The following ADAMTSL3 variants were observed in gnomAD, a reference collection of about 807,000 sequenced individuals.
ADAMTSL3 encodes the protein ADAMTS-like protein 3.
In ADAMTSL3, 128 loss-of-function variants were observed where a neutral mutation model predicts 201.7. That is an observed-to-expected ratio of 0.63 (90% CI 0.55 to 0.73). The LOEUF is 0.73. Ranked by LOEUF, ADAMTSL3 falls within the 30% of genes least tolerant of loss-of-function variation. The probability of loss-of-function intolerance (pLI) is 0.00; values close to 1 mark genes in which losing one functional copy is unlikely to be tolerated. For missense variants in ADAMTSL3, 1,990 were observed against 2,119.6 expected, an observed-to-expected ratio of 0.94 and a Z score of 1.20; for synonymous variants, 738 against 748.4, an observed-to-expected ratio of 0.99 and a Z score of 0.23.
intron 5 of ADAMTSL3, among the ~76,000 whole-genome samples, chr15:83,806,550 A>G (rs1185204775): frequency 1.3e-5 from 2 of 152,236 alleles, no homozygotes; most frequent in African/African-American, 4.8e-5. Flanking sequence ...GCAGATGCAC[A>G]GATATCAAAG....
intron 6 of ADAMTSL3, among the ~76,000 whole-genome samples, chr15:83,823,323 A>G (rs1203003687): frequency 6.6e-6 from 1 of 152,190 alleles, no homozygotes; most frequent in Non-Finnish European, 1.5e-5. Flanking sequence ...AATAGTAACA[A>G]CAGCAGATGA....
At position 83,982,458 on chromosome 15, in the gene ADAMTSL3, A is replaced by T; in HGVS notation, c.2830A>T (p.Ile944Phe). 1 of 1,614,158 alleles carries T rather than the reference A, an allele frequency of 6.2e-7. No homozygotes were observed. The highest frequency in any genetic ancestry group is 8.5e-7 in the Non-Finnish European group (1 of 1,180,040). ...CPVRRFQKSL[I>F]QWEKDGRCLQ... Reference sequence around the variant, plus strand: ...CGTGCGACGATTCCAGAAATCTCTGATCCAGTGGGAGAAGGATGGCCGTTG... The same window carrying T: ...CGTGCGACGATTCCAGAAATCTCTGTTCCAGTGGGAGAAGGATGGCCGTTG... The change falls in exon 21 of 30, where the codon ATC becomes TTC. Residue 944 changes from isoleucine to phenylalanine, a missense_variant. By Grantham distance (21) the Ile-to-Phe change is conservative. Transcript: ENST00000286744.
At chr15:83,660,858 T>G (rs1318078645) in intron 2 of ADAMTSL3, among the ~76,000 whole-genome samples, 2 of 151,258 alleles carry the variant, frequency 1.3e-5, no homozygotes, top group Non-Finnish European at 2.9e-5. Flanking sequence ...TCCTTGCCCA[T>G]GCCTATGTCC....
At chr15:83,930,905 A>C (rs1311016431) in intron 17 of ADAMTSL3, among the ~76,000 whole-genome samples, 4 of 152,260 alleles carry the variant, frequency 2.6e-5, no homozygotes, top group Non-Finnish European at 5.9e-5. Context: ...GGGCAATAGC[A>C]GTAAAATATT....
chr15:83,775,891 C>G (rs1185779824), intron 4 of ADAMTSL3, among the ~76,000 whole-genome samples: 1 of 152,272 alleles, frequency 6.6e-6, no homozygotes. Context: ...CATGTGCTAA[C>G]CCCTCTGTGG....
chr15:83,867,003 A>C (rs1397530981), intron 8 of ADAMTSL3, among the ~76,000 whole-genome samples: 2 of 152,212 alleles, frequency 1.3e-5, no homozygotes, highest in African/African-American at 4.8e-5. Context: ...GATGAATAGA[A>C]CTGGCTTCAT....
chr15:83,971,945 A>T (rs1473487445), intron 20 of ADAMTSL3, among the ~76,000 whole-genome samples: 1 of 149,186 alleles, frequency 6.7e-6, no homozygotes, highest in Non-Finnish European at 1.5e-5. Context: ...TAACATATAT[A>T]TAAAACTTCA....
At chr15:83,888,563 G>T (rs1188058002) in intron 10 of ADAMTSL3, among the ~76,000 whole-genome samples, 1 of 152,098 alleles carries the variant, frequency 6.6e-6, no homozygotes, top group African/African-American at 2.4e-5. Flanking sequence ...AGAGTTTTTT[G>T]GATAATCAAG....
intron 9 of ADAMTSL3, among the ~76,000 whole-genome samples, chr15:83,884,158 G>A (rs1356777979): frequency 1.3e-5 from 2 of 151,860 alleles, no homozygotes; most frequent in Non-Finnish European, 2.9e-5. Flanking sequence ...CTCCTAAAGT[G>A]CTGGGATTAT....
intron 2 of ADAMTSL3, among the ~76,000 whole-genome samples, chr15:83,701,805 C>T (rs1235173126): frequency 6.6e-6 from 1 of 152,142 alleles, no homozygotes; most frequent in Non-Finnish European, 1.5e-5. Flanking sequence ...TTACCAGCAG[C>T]ATGAAATTGG....
intron 9 of ADAMTSL3, among the ~76,000 whole-genome samples, chr15:83,876,295 C>T (rs1030796382): frequency 1.3e-5 from 2 of 152,006 alleles, no homozygotes; most frequent in Admixed American, 1.3e-4. Context: ...CTAACAACTA[C>T]ATTTTTGTTT....
At chr15:84,031,234 T>C (rs2141937034) in intron 27 of ADAMTSL3, 101 bp from the exon 28 acceptor site, 1 of 1,175,822 alleles carries the variant, frequency 8.5e-7, no homozygotes, top group Non-Finnish European at 1.3e-6. Context: ...ACAGTCCCCT[T>C]GTAATAGGTC....
chr15:84,024,744 G>A (rs998199398), intron 26 of ADAMTSL3, among the ~76,000 whole-genome samples: 1 of 152,206 alleles, frequency 6.6e-6, no homozygotes. Context: ...CTGCTGGCAG[G>A]TTAGTCATGT....
chr15:84,014,788 T>C lies in ADAMTSL3; in HGVS notation c.4156+64T>C, dbSNP rs558111570. The stretch of plus-strand genomic sequence containing the variant: ...GTAATATGCACAAAGTAGGCCCCAG[T>C]TTTGTTGATTTTGGAGTTGAGTGAA... On this transcript the variant is annotated intron_variant, in intron 24 of 29. Coordinates refer to ENST00000286744, the MANE Select transcript of ADAMTSL3 (RefSeq NM_207517.3). 6.1e-6 allele frequency: 9 copies of C among 1,468,740 alleles called. No individual in the cohort carries two copies. The South Asian group carries it at 1.2e-4, about 19-fold the overall frequency. The allele number at this position is 1,468,740 out of a possible 1,614,324, so 91.0% of individuals were successfully genotyped here.
At chr15:83,864,223 A>G (rs867101294) in intron 8 of ADAMTSL3, among the ~76,000 whole-genome samples, 1 of 152,222 alleles carries the variant, frequency 6.6e-6, no homozygotes, top group African/African-American at 2.4e-5. Context: ...AAACTATTCC[A>G]ATCAATAGAA....
At chr15:83,869,447 G>A (rs531733122) in intron 8 of ADAMTSL3, among the ~76,000 whole-genome samples, 1 of 152,046 alleles carries the variant, frequency 6.6e-6, no homozygotes, top group Non-Finnish European at 1.5e-5. Context: ...ATTATTCTTC[G>A]ACCACTAATG....
intron 20 of ADAMTSL3, among the ~76,000 whole-genome samples, chr15:83,975,218 G>C (rs1210653281): frequency 6.6e-6 from 1 of 151,646 alleles, no homozygotes; most frequent in East Asian, 2.0e-4. Flanking sequence ...TAGCCAGGAT[G>C]GTCTTGATCT....
Position 83,936,898 on chromosome 15 carries a change from A to C in ADAMTSL3, c.2118-5698A>C, listed in dbSNP as rs2142020617. On this transcript the variant is annotated intron_variant, in intron 17 of 29. Coordinates refer to ENST00000286744, the MANE Select transcript of ADAMTSL3 (RefSeq NM_207517.3). ...AAAGAAGACCTCCATGTGGCCAACAAGCATATGAAAACATGCTCAACATCA... is the reference window on the plus strand; with the variant it reads ...AAAGAAGACCTCCATGTGGCCAACACGCATATGAAAACATGCTCAACATCA... Among the ~76,000 whole-genome samples the C allele has an allele frequency of 1.3e-5, 2 of 151,134 alleles. 1 individual carries two copies. The highest frequency in any genetic ancestry group is 4.9e-5 in the African/African-American group (2 of 40,496).
chr15:83,910,427 C>A (rs2065909928), intron 15 of ADAMTSL3, among the ~76,000 whole-genome samples: 1 of 147,290 alleles, frequency 6.8e-6, no homozygotes, highest in Non-Finnish European at 1.5e-5. Context: ...GGAAATCATG[C>A]TGGATTCTGT....
Sources: allele counts gnomAD v4.1 joint callset (sites outside exome capture counted in the v4.1 genomes callset), GRCh38; gene constraint gnomAD v4.1.1; transcripts MANE v1.5; gene names NCBI Gene and HGNC (gene_info 2026-07-23, HGNC 2026-07-21).